The following RBM6 variants were observed in gnomAD, a reference collection of about 807,000 sequenced individuals.
RBM6 encodes RNA binding motif protein 6.
RBM6 carries 23 observed loss-of-function variants against 140.4 expected under a neutral mutation model. The ratio of observed to expected loss-of-function variants is 0.16; its 90% CI spans 0.12 to 0.23. The LOEUF is 0.23. Ranked by LOEUF, RBM6 falls within the 10% of genes least tolerant of loss-of-function variation. The probability of loss-of-function intolerance (pLI) is 1.00; values close to 1 mark genes in which losing one functional copy is unlikely to be tolerated. For synonymous variants in RBM6, 439 were observed against 475.6 expected (o/e 0.92, Z 1.00); for missense variants, 1,139 against 1,386.7 (o/e 0.82, Z 2.84).
At chr3:49,949,168 A>G (rs1222696280) in intron 1 of RBM6, among the ~76,000 whole-genome samples, 1 of 151,608 alleles carries the variant, frequency 6.6e-6, no homozygotes, top group East Asian at 2.0e-4. Flanking sequence ...AGAATTTATT[A>G]TTTTTATTTT....
intron 5 of RBM6, among the ~76,000 whole-genome samples, chr3:49,977,113 A>G (rs934663061): frequency 1.3e-5 from 2 of 152,204 alleles, no homozygotes; most frequent in African/African-American, 4.8e-5. Context: ...CACTTGGAAG[A>G]AATTCCCAGC....
rs59944289 is a variant in RBM6, at chr3:49,999,037, C to CTTTT, written c.1484-389_1484-386dup. Among the ~76,000 whole-genome samples the CTTTT allele has an allele frequency of 4.3e-4, 58 of 134,908 alleles. No individual in the cohort carries two copies. In the East Asian group the frequency reaches 0.011, roughly 26 times the overall value. 88.5% of individuals were successfully genotyped at this position (134,908 alleles called of 152,430 possible). A position where few individuals can be genotyped will look rare whatever the true frequency, so the allele number is the denominator to read the frequency against. ...GCTTTTTTTTCTTCTCTCGGGATAC[C>CTTTT]TTTTTTTTTTTTTTTTTCCAGATAC... On this transcript the variant is annotated intron_variant, in intron 5 of 20. Transcript: ENST00000266022.
intron 6 of RBM6, among the ~76,000 whole-genome samples, chr3:50,015,036 G>A (rs546599046): frequency 1.7e-3 from 186 of 112,180 alleles, no homozygotes; most frequent in Non-Finnish European, 2.5e-3. Flanking sequence ...CCAACAGAGT[G>A]AGACTGTCTC....
At chr3:49,961,670 G>A (rs1423245193) in intron 1 of RBM6, among the ~76,000 whole-genome samples, 3 of 151,700 alleles carry the variant, frequency 2.0e-5, no homozygotes, top group African/African-American at 7.3e-5. Flanking sequence ...ATGGTGACGC[G>A]TGCCTGTAGT....
At chr3:49,957,227 G>A (rs2108602655) in intron 1 of RBM6, among the ~76,000 whole-genome samples, 1 of 152,006 alleles carries the variant, frequency 6.6e-6, no homozygotes, top group East Asian at 1.9e-4. Context: ...CAAGCAATCG[G>A]CTTCCTGAAG....
chr3:50,075,240 C>G lies in RBM6; in HGVS notation c.3156C>G (p.Ser1052Arg). The part of the protein sequence containing the change: ...KLVDKEDIDT[S>R]SKGGCVQQAT... ...TTGATAAAGAAGATATCGACACTAGCAGCAAAGGAGGCTGTGTCCAACAGG... is the reference window on the plus strand; with the variant it reads ...TTGATAAAGAAGATATCGACACTAGGAGCAAAGGAGGCTGTGTCCAACAGG... The change falls in exon 20 of 21, where the codon AGC becomes AGG. Residue 1052 changes from serine (S) to arginine (R), a missense_variant. Physicochemically the swap from Ser to Arg is moderately radical, Grantham distance 110. This residue lies in a region of RBM6 where 125 missense variants were observed against 142.0 expected (regional missense o/e 0.88). Coordinates refer to ENST00000266022, the MANE Select transcript of RBM6 (RefSeq NM_005777.3). 1 of 1,613,936 alleles carries G rather than the reference C, an allele frequency of 6.2e-7. No homozygotes were observed. Among genetic ancestry groups the G allele is most frequent in the Non-Finnish European group, 8.5e-7 (1 of 1,179,978 alleles).
intron 6 of RBM6, among the ~76,000 whole-genome samples, chr3:50,031,271 A>G (rs906771965): frequency 1.3e-5 from 2 of 152,220 alleles, no homozygotes; most frequent in African/African-American, 4.8e-5. Flanking sequence ...TGCTATAAAG[A>G]CACATGCACA....
chr3:50,062,652 C>G (rs1169870364), intron 15 of RBM6, among the ~76,000 whole-genome samples: 1 of 152,140 alleles, frequency 6.6e-6, no homozygotes, highest in Non-Finnish European at 1.5e-5. Flanking sequence ...CACCTCAGCT[C>G]CATACATTTT....
At position 49,967,339 on chromosome 3, in the gene RBM6, G is replaced by T. The variant is rs1342558989; in HGVS notation, c.45-131G>T. 6 of 1,475,858 alleles carry T rather than the reference G, an allele frequency of 4.1e-6. No homozygotes were observed. The highest frequency in any genetic ancestry group is 4.5e-6 in the Non-Finnish European group (5 of 1,116,634). 91.4% of individuals were successfully genotyped at this position (1,475,858 alleles called of 1,614,324 possible). ...ACTTTGCTGTTTTCTGCAGATCTAG[G>T]ACCTTGTTACAGAACTCTGCCAAAA... On this transcript the variant is annotated intron_variant, in intron 2 of 20. Transcript: ENST00000266022. This position sits in a 1 kb window ranked among gnomAD's most constrained non-coding sequence, Gnocchi z 4.0.
In RBM6 at chr3:50,061,878, A is replaced by G. The variant is rs528019694; in HGVS notation, c.2440-84A>G. The G allele has an allele frequency of 4.6e-6, 7 of 1,515,344 alleles. No homozygotes were observed. In the South Asian group the frequency reaches 6.5e-5, roughly 14 times the overall value. 93.9% of individuals were successfully genotyped at this position (1,515,344 alleles called of 1,614,324 possible). ...AAGTAAAAAAGTTGTTTCTTCCCCT[A>G]AAAGGGAACTGTGCGCCTTAGACCT... On this transcript the variant is annotated intron_variant, in intron 14 of 20. Coordinates refer to ENST00000266022, the MANE Select transcript of RBM6 (RefSeq NM_005777.3).
At chr3:50,008,546 CTTTTTTTTTTTTTT>C (rs5848909) in intron 6 of RBM6, among the ~76,000 whole-genome samples, 4 of 73,696 alleles carry the variant, frequency 5.4e-5, no homozygotes, top group African/African-American at 2.1e-4. Flanking sequence ...TCTTTTGTAA[CTTTTTTTTTTTTTT>C]TTTTTTTTTT....
chr3:49,953,681 G>A (rs2083841636), intron 1 of RBM6, among the ~76,000 whole-genome samples: 1 of 151,718 alleles, frequency 6.6e-6, no homozygotes, highest in African/African-American at 2.4e-5. Flanking sequence ...TACCACGCCT[G>A]GCTAATTTTT....
intron 6 of RBM6, among the ~76,000 whole-genome samples, chr3:50,007,769 G>A (rs934367878): frequency 4.6e-5 from 7 of 151,920 alleles, no homozygotes; most frequent in South Asian, 2.1e-4. Flanking sequence ...TCCTGACCTC[G>A]TGATCCACCC....
chr3:50,048,301 T>G lies in RBM6; in HGVS notation c.1614T>G (p.Asp538Glu). Residue 538 changes from aspartate (D) to glutamate (E), a missense_variant, in exon 7 of 21, where the codon GAT (aspartate) becomes GAG (glutamate). Physicochemically the swap from Asp to Glu is conservative, Grantham distance 45. Around this residue, in one of 9 missense-constraint regions of RBM6, gnomAD observed 58 missense variants for 99.7 expected, o/e 0.58. Coordinates refer to ENST00000266022, the MANE Select transcript of RBM6 (RefSeq NM_005777.3). Reference protein sequence around the residue: ...EVTLEYVSSLDFWYCKRCKAN... With the variant: ...EVTLEYVSSLEFWYCKRCKAN... ...CCCTGGAGTATGTATCAAGCCTGGA[T>G]TTTTGGTACTGCAAACGAGTAAGTA... 3 of 1,612,806 alleles carry G rather than the reference T, an allele frequency of 1.9e-6. No homozygotes were observed. Among genetic ancestry groups the G allele is most frequent in the Non-Finnish European group, 2.5e-6 (3 of 1,179,430 alleles).
chr3:49,975,943 T>C (rs1180448387), intron 5 of RBM6, among the ~76,000 whole-genome samples: 2 of 152,224 alleles, frequency 1.3e-5, no homozygotes, highest in Non-Finnish European at 2.9e-5. Flanking sequence ...ATTAAACTTT[T>C]CAGAATATCC....
At chr3:49,980,646 C>T (rs2108670568) in intron 5 of RBM6, among the ~76,000 whole-genome samples, 1 of 151,084 alleles carries the variant, frequency 6.6e-6, no homozygotes, top group African/African-American at 2.4e-5. Flanking sequence ...CCTGTAATCC[C>T]AGCTACTCGG....
chr3:50,012,799 A>G (rs542450920), intron 6 of RBM6, among the ~76,000 whole-genome samples: 1 of 135,192 alleles, frequency 7.4e-6, no homozygotes, highest in South Asian at 2.3e-4. Context: ...CTGGAGTGCA[A>G]TGGCGCAATC....
intron 6 of RBM6, among the ~76,000 whole-genome samples, chr3:50,023,919 A>G (rs999090284): frequency 6.6e-6 from 1 of 152,130 alleles, no homozygotes; most frequent in African/African-American, 2.4e-5. Flanking sequence ...AAGTGCTGGG[A>G]TTACAGGTGT....
In RBM6 at chr3:50,061,004, C is replaced by T. The variant is rs374304620; in HGVS notation, c.2271+6C>T. On this transcript the variant is annotated splice_donor_region_variant and intron_variant, in intron 12 of 20. Coordinates refer to ENST00000266022, the MANE Select transcript of RBM6 (RefSeq NM_005777.3). Reference sequence around the variant, plus strand: ...ACCACATGCATTACTATCAGGTAGGCTGTAACAGGTGGGGAGTGCTCTATT... The same window carrying T: ...ACCACATGCATTACTATCAGGTAGGTTGTAACAGGTGGGGAGTGCTCTATT... 1 of 1,592,608 alleles carries T rather than the reference C, an allele frequency of 6.3e-7. No homozygotes were observed. Among genetic ancestry groups the T allele is most frequent in the African/African-American group, 1.3e-5 (1 of 74,076 alleles).
Sources: allele counts gnomAD v4.1 joint callset (sites outside exome capture counted in the v4.1 genomes callset), GRCh38; gene constraint gnomAD v4.1.1; regional missense constraint gnomAD v4.1.1; non-coding constraint Gnocchi (gnomAD v3.1); transcripts MANE v1.5; gene names NCBI Gene and HGNC (gene_info 2026-07-23, HGNC 2026-07-21).